Variants in BNC2 observed in about 807,000 individuals in gnomAD.
BNC2 encodes zinc finger protein basonuclin-2.
A neutral mutation model predicts 76.3 loss-of-function variants in BNC2; 20 were observed. The ratio of observed to expected loss-of-function variants is 0.26; its 90% CI spans 0.18 to 0.38. The LOEUF (loss-of-function observed/expected upper bound fraction) is 0.38, where lower values mean the gene tolerates loss of function less well. Among genes scored for constraint, BNC2 ranks in the 10% least tolerant of loss-of-function variants. The pLI is 1.00. For missense variants in BNC2, 1,382 were observed against 1,399.8 expected (o/e 0.99, Z 0.20); for synonymous variants, 582 against 514.8 (o/e 1.13, Z -1.77).
At chr9:16,710,450 T>C (rs1219108103) in intron 3 of BNC2, among the ~76,000 whole-genome samples, 1 of 152,248 alleles carries the variant, frequency 6.6e-6, no homozygotes, top group African/African-American at 2.4e-5. Flanking sequence ...ATGTTTTCTT[T>C]CTTTCAAATG....
intron 3 of BNC2, among the ~76,000 whole-genome samples, chr9:16,668,870 C>T (rs901820099): frequency 4.6e-5 from 7 of 152,248 alleles, no homozygotes; most frequent in Non-Finnish European, 7.4e-5. Flanking sequence ...ATTCAGAGCA[C>T]GTCTCTCCCA....
At chr9:16,517,984 C>T (rs913827769) in intron 5 of BNC2, among the ~76,000 whole-genome samples, 6 of 152,038 alleles carry the variant, frequency 3.9e-5, no homozygotes, top group East Asian at 3.9e-4. Context: ...TTACTGGTCT[C>T]GAAGGAACAC....
chr9:16,846,227 A>G (rs979715561), intron 1 of BNC2, among the ~76,000 whole-genome samples: 2 of 152,188 alleles, frequency 1.3e-5, no homozygotes, highest in African/African-American at 2.4e-5. Context: ...CTGTAAAAAA[A>G]GAAAAGATGC....
chr9:16,628,556 G>A (rs1563870641), intron 3 of BNC2, among the ~76,000 whole-genome samples: 1 of 151,834 alleles, frequency 6.6e-6, no homozygotes, highest in Non-Finnish European at 1.5e-5. Flanking sequence ...GTGGGAAACA[G>A]GGGGAGGAAC....
At chr9:16,490,821 T>A (rs750952133) in intron 5 of BNC2, among the ~76,000 whole-genome samples, 3 of 152,138 alleles carry the variant, frequency 2.0e-5, no homozygotes, top group African/African-American at 4.8e-5. Context: ...CACAACTACA[T>A]AACAATAAAA....
At chr9:16,678,026 G>C (rs1005901950) in intron 3 of BNC2, among the ~76,000 whole-genome samples, 1 of 151,948 alleles carries the variant, frequency 6.6e-6, no homozygotes, top group African/African-American at 2.4e-5. Flanking sequence ...GGTAGAGGAT[G>C]AGAATCAATT....
chr9:16,555,772 G>A lies in BNC2; in HGVS notation c.434-3007C>T, dbSNP rs987372851. On this transcript the variant is annotated intron_variant, in intron 4 of 6. Transcript: ENST00000380672. Reference sequence around the variant, plus strand: ...TGATTGTATCACTGTACTCCAGCCTGGGCAACAGAGTGAGACCCTGTCTCA... The same window carrying A: ...TGATTGTATCACTGTACTCCAGCCTAGGCAACAGAGTGAGACCCTGTCTCA... Among the ~76,000 whole-genome samples the A allele has an allele frequency of 3.3e-5, 5 of 152,154 alleles. No homozygotes were observed. In the South Asian group the frequency reaches 1.0e-3, roughly 32 times the overall value.
chr9:16,477,352 T>G (rs959062513), intron 5 of BNC2, among the ~76,000 whole-genome samples: 14 of 152,234 alleles, frequency 9.2e-5, no homozygotes, highest in Admixed American at 8.5e-4. Flanking sequence ...AAATCTTTCC[T>G]TGATAACAAT....
At chr9:16,447,970 A>G (rs147695121) in intron 5 of BNC2, among the ~76,000 whole-genome samples, 1 of 152,204 alleles carries the variant, frequency 6.6e-6, no homozygotes, top group African/African-American at 2.4e-5. Context: ...CTTATTTTAT[A>G]GTTTAGAACA....
chr9:16,802,396 T>A (rs894093676), intron 1 of BNC2, among the ~76,000 whole-genome samples: 1 of 152,206 alleles, frequency 6.6e-6, no homozygotes, highest in Non-Finnish European at 1.5e-5. Flanking sequence ...CCAGGCTCAG[T>A]ACAATTAGCA....
At chr9:16,855,383 T>G (rs1335477055) in intron 1 of BNC2, among the ~76,000 whole-genome samples, 1 of 152,074 alleles carries the variant, frequency 6.6e-6, no homozygotes, top group African/African-American at 2.4e-5. Flanking sequence ...CCTAATAGAG[T>G]ATCACATACA....
intron 1 of BNC2, among the ~76,000 whole-genome samples, chr9:16,800,460 G>A (rs1817753086): frequency 6.6e-6 from 1 of 151,996 alleles, no homozygotes; most frequent in Non-Finnish European, 1.5e-5. Context: ...AAAGTTGAGG[G>A]GATATTCTTT....
At chr9:16,611,269 C>T (rs1217201252) in intron 3 of BNC2, among the ~76,000 whole-genome samples, 1 of 152,154 alleles carries the variant, frequency 6.6e-6, no homozygotes, top group Non-Finnish European at 1.5e-5. Context: ...ACCAAAGCAT[C>T]CATCCAGCCA....
intron 3 of BNC2, among the ~76,000 whole-genome samples, chr9:16,626,838 A>T (rs1013979346): frequency 2.6e-5 from 4 of 152,164 alleles, no homozygotes; most frequent in African/African-American, 9.7e-5. Flanking sequence ...TGCTCTAGCA[A>T]CTGCCTGTGA....
chr9:16,440,322 G>C (rs995070203), intron 5 of BNC2, among the ~76,000 whole-genome samples: 5 of 152,182 alleles, frequency 3.3e-5, no homozygotes, highest in African/African-American at 1.2e-4. Flanking sequence ...AGCCCATTGA[G>C]TCTGTGGTAG....
At chr9:16,646,902 G>A (rs1371142342) in intron 3 of BNC2, among the ~76,000 whole-genome samples, 4 of 152,102 alleles carry the variant, frequency 2.6e-5, no homozygotes, top group South Asian at 2.1e-4. Context: ...TGAGTCCCCC[G>A]CATAAGTTAC....
chr9:16,818,875 C>A (rs543037352), intron 1 of BNC2, among the ~76,000 whole-genome samples: 1 of 71,562 alleles, frequency 1.4e-5, no homozygotes, highest in Non-Finnish European at 3.3e-5. Context: ...TTTTTTAAAG[C>A]GGTTAAGAAG....
At chr9:16,733,191 G>A (rs1482290228) in intron 2 of BNC2, among the ~76,000 whole-genome samples, 1 of 152,168 alleles carries the variant, frequency 6.6e-6, no homozygotes, top group Non-Finnish European at 1.5e-5. Flanking sequence ...CATCTGTTGG[G>A]CTGTGTGAAA....
chr9:16,520,630 G>A (rs955606605), intron 5 of BNC2, among the ~76,000 whole-genome samples: 1 of 152,176 alleles, frequency 6.6e-6, no homozygotes, highest in Non-Finnish European at 1.5e-5. Context: ...GACCAAGGGA[G>A]ACTCCTTTCA....
Sources: gnomAD v4.1 joint callset for allele counts (sites outside exome capture counted in the v4.1 genomes callset) on GRCh38, gnomAD v4.1.1 for gene constraint, MANE v1.5 for transcripts, NCBI Gene and HGNC (gene_info 2026-07-23, HGNC 2026-07-21) for gene names.